Variants in ASB2 observed in about 807,000 individuals in gnomAD.
The protein encoded by ASB2 is ankyrin repeat and SOCS box protein 2.
Under a neutral mutation model 62.4 loss-of-function variants are expected in ASB2, and 58 were observed. The observed-to-expected ratio is 0.93, with a 90% CI of 0.75 to 1.16. The LOEUF (loss-of-function observed/expected upper bound fraction) is 1.16. Among genes scored for constraint, ASB2 ranks in the 50% most tolerant of loss-of-function variants. The pLI is 0.00. For synonymous variants in ASB2, 386 were observed against 385.3 expected (o/e 1.00, Z -0.02); for missense variants, 928 against 887.9 (o/e 1.05, Z -0.57).
chr14:93,949,088 A>G (rs1888849829), intron 6 of ASB2, among the ~76,000 whole-genome samples: 1 of 152,216 alleles, frequency 6.6e-6, no homozygotes, highest in Admixed American at 6.5e-5. Context: ...TGATGTGCAC[A>G]CAGCTTTCTC....
At chr14:93,963,103 C>T (rs905022882) in intron 2 of ASB2, among the ~76,000 whole-genome samples, 2 of 152,244 alleles carry the variant, frequency 1.3e-5, no homozygotes, top group African/African-American at 4.8e-5. Context: ...GGTCCAGCCT[C>T]GGCAAGGGCA....
intron 7 of ASB2, among the ~76,000 whole-genome samples, chr14:93,946,591 G>C (rs945187130): frequency 1.3e-5 from 2 of 152,226 alleles, no homozygotes; most frequent in Non-Finnish European, 2.9e-5. Flanking sequence ...GCACGAGCTG[G>C]CTCTAGCACA....
At position 93,953,364 on chromosome 14, in the gene ASB2, G is replaced by T. The variant is rs2295213; in HGVS notation, c.622C>A (p.Pro208Thr). Residue 208 changes from proline (P) to threonine (T), a missense_variant, in exon 5 of 10, where the codon CCG becomes ACG. Transcript: ENST00000555019. ...PDISNKSRET[P>T]LYKACERKNA... ...GTGGGGACCTCACCTTTGTAGAGCG[G>T]TGTCTCTCGGGATTTGTTGGAGATG... 6.3e-7 allele frequency: 1 copy of T among 1,586,602 alleles called. No homozygotes were observed. Among genetic ancestry groups the T allele is most frequent in the Non-Finnish European group, 8.6e-7 (1 of 1,158,310 alleles).
chr14:93,966,450 G>A (rs1243661053), intron 1 of ASB2, among the ~76,000 whole-genome samples: 1 of 152,240 alleles, frequency 6.6e-6, no homozygotes, highest in East Asian at 1.9e-4. Flanking sequence ...TGAACAAAAT[G>A]ATTCCTTTCC....
At chr14:93,945,652 C>T (rs1420366461) in intron 7 of ASB2, among the ~76,000 whole-genome samples, 1 of 152,164 alleles carries the variant, frequency 6.6e-6, no homozygotes, top group Non-Finnish European at 1.5e-5. Flanking sequence ...GACAGCTGTG[C>T]TGTCCAGAAA....
In ASB2 at chr14:93,953,395, C is replaced by A. The variant is rs751138690; in HGVS notation, c.591G>T (p.Glu197Asp). 1.2e-6 allele frequency: 2 copies of A among 1,601,762 alleles called. No individual in the cohort carries two copies. Among genetic ancestry groups the A allele is most frequent in the Non-Finnish European group, 1.7e-6 (2 of 1,170,132 alleles). Residue 197 changes from glutamate (E) to aspartate (D), a missense_variant, in exon 5 of 10, where the codon GAG (glutamate) becomes GAT (aspartate). Coordinates refer to ENST00000555019, the MANE Select transcript of ASB2 (RefSeq NM_001202429.2). ...CTCGGGATTTGTTGGAGATGTCCGG[C>A]TCTGCCCCTGCTTGGAGCAGTGACA... ...CLLSLLQAGA[E>D]PDISNKSRET...
chr14:93,969,333 C>A (rs74337038), intron 1 of ASB2, among the ~76,000 whole-genome samples: 1 of 152,272 alleles, frequency 6.6e-6, no homozygotes, highest in Non-Finnish European at 1.5e-5. Flanking sequence ...TATGAAGCAG[C>A]GTGTGGAGCC....
At chr14:93,957,293 G>A in intron 2 of ASB2, 1 of 1,108,236 alleles carries the variant, frequency 9.0e-7, no homozygotes. Context: ...CTGGATGAGA[G>A]ATTCATGGCA....
At chr14:93,954,507 G>T in intron 3 of ASB2, 24 bp from the exon 4 acceptor site, 1 of 1,612,510 alleles carries the variant, frequency 6.2e-7, no homozygotes, top group Admixed American at 1.7e-5. Flanking sequence ...GAGTGGGTCA[G>T]TCCTCAAGGT....
At chr14:93,974,011 G>C (rs1184645356) in intron 1 of ASB2, 2 of 152,282 alleles carry the variant, frequency 1.3e-5, no homozygotes, top group Non-Finnish European at 2.9e-5. Flanking sequence ...GCAGCAGAGC[G>C]GGAAGGCTCA....
rs750184391 is a variant in ASB2, at chr14:93,939,331, G to A, written c.1394C>T (p.Ala465Val). The A allele has an allele frequency of 6.2e-7, 1 of 1,610,822 alleles. No individual in the cohort carries two copies. Among genetic ancestry groups the A allele is most frequent in the Non-Finnish European group, 8.5e-7 (1 of 1,178,214 alleles). The change falls in exon 8 of 10, where the codon GCG becomes GTG. Residue 465 changes from alanine (A) to valine (V), a missense_variant. By Grantham distance (64) the Ala-to-Val change is moderately conservative. Coordinates refer to ENST00000555019, the MANE Select transcript of ASB2 (RefSeq NM_001202429.2). Reference sequence around the variant, plus strand: ...CGTGGCGATATAGGCGTCGATGTTCGCGCCGTGGTCCAGCAGCAGCTGCAT... The same window carrying A: ...CGTGGCGATATAGGCGTCGATGTTCACGCCGTGGTCCAGCAGCAGCTGCAT... Reference protein sequence around the residue: ...RTMQLLLDHGANIDAYIATHP... With the variant: ...RTMQLLLDHGVNIDAYIATHP...
intron 8 of ASB2, 47 bp downstream of exon 8, chr14:93,939,061 G>A (rs1184398644): frequency 7.1e-7 from 1 of 1,404,062 alleles, no homozygotes; most frequent in Non-Finnish European, 9.2e-7. Context: ...GCGTCCCTGG[G>A]CCACACCCAA....
chr14:93,966,189 C>A (rs143781222), intron 1 of ASB2, among the ~76,000 whole-genome samples: 2 of 152,336 alleles, frequency 1.3e-5, no homozygotes, highest in Non-Finnish European at 2.9e-5. Context: ...GCAGATCCTG[C>A]GGATAGTCCC....
At chr14:93,964,734 T>A in intron 1 of ASB2, 122 bp from the exon 2 acceptor site, 1 of 620,094 alleles carries the variant, frequency 1.6e-6, no homozygotes, top group Admixed American at 2.5e-5. Context: ...TATTCATTGG[T>A]CACATGACCC....
intron 5 of ASB2, among the ~76,000 whole-genome samples, chr14:93,952,509 CA>C (rs1889007219): frequency 6.6e-6 from 1 of 152,196 alleles, no homozygotes; most frequent in Non-Finnish European, 1.5e-5. Context: ...TTTCCAAGTA[CA>C]AAGGCCTGAT....
In ASB2 at chr14:93,939,485, C is replaced by G. The variant is rs141743800; in HGVS notation, c.1240G>C (p.Ala414Pro). The G allele has an allele frequency of 8.7e-5, 140 of 1,611,324 alleles. No homozygotes were observed. The East Asian group carries it at 2.7e-3, about 31-fold the overall frequency. The stretch of plus-strand genomic sequence containing the variant: ...TTGTTGACCACCGCGAAGTACAGCG[C>G]GGAGCTGCGCCGGTCTTCGTAGAGG... ...ARLYEDRRSSALYFAVVNNNV... is the reference protein window; with the variant it reads ...ARLYEDRRSSPLYFAVVNNNV... Residue 414 changes from alanine to proline, a missense_variant, in exon 8 of 10, where the codon GCG becomes CCG. Physicochemically the swap from Ala to Pro is conservative, Grantham distance 27. Coordinates refer to ENST00000555019, the MANE Select transcript of ASB2 (RefSeq NM_001202429.2).
intron 7 of ASB2, among the ~76,000 whole-genome samples, chr14:93,945,540 C>A (rs1301137588): frequency 6.6e-6 from 1 of 152,198 alleles, no homozygotes; most frequent in East Asian, 1.9e-4. Context: ...GCGGGTGTAA[C>A]CATTTCCCAT....
intron 1 of ASB2, 139 bp from the exon 2 acceptor site, chr14:93,964,751 C>T (rs1342999921): frequency 1.7e-6 from 1 of 588,980 alleles, no homozygotes; most frequent in Non-Finnish European, 3.0e-6. Context: ...ACCCACCTAA[C>T]CACCTATCCA....
At chr14:93,966,297 G>A (rs2141316226) in intron 1 of ASB2, among the ~76,000 whole-genome samples, 1 of 152,372 alleles carries the variant, frequency 6.6e-6, no homozygotes, top group East Asian at 1.9e-4. Flanking sequence ...ACTGCTTCAA[G>A]CCAGGTGGGA....
Sources: gnomAD v4.1 joint callset for allele counts (sites outside exome capture counted in the v4.1 genomes callset) on GRCh38, gnomAD v4.1.1 for gene constraint, MANE v1.5 for transcripts, NCBI Gene and HGNC (gene_info 2026-07-23, HGNC 2026-07-21) for gene names.